SLC22A3: variants seen among roughly 807,000 people sequenced by gnomAD.
SLC22A3 encodes EMT organic cation transporter 3.
Under a neutral mutation model 59.1 loss-of-function variants are expected in SLC22A3, and 51 were observed. The observed-to-expected ratio is 0.86, with a 90% CI of 0.69 to 1.09. The LOEUF is 1.09. Among genes scored for constraint, SLC22A3 ranks in the 50% least tolerant of loss-of-function variants. The pLI, the probability that SLC22A3 is intolerant of heterozygous loss-of-function variation, is 0.00. For missense variants in SLC22A3, 711 were observed against 726.3 expected (o/e 0.98, Z 0.24); for synonymous variants, 325 against 292.0 (o/e 1.11, Z -1.15).
At chr6:160,368,039 C>G (rs1785267813) in intron 1 of SLC22A3, among the ~76,000 whole-genome samples, 1 of 152,136 alleles carries the variant, frequency 6.6e-6, no homozygotes, top group Non-Finnish European at 1.5e-5. Context: ...TCTGTCCTCT[C>G]TAGTTCCCGG....
intron 2 of SLC22A3, among the ~76,000 whole-genome samples, chr6:160,405,136 A>G (rs976351390): frequency 6.6e-6 from 1 of 152,132 alleles, no homozygotes; most frequent in Non-Finnish European, 1.5e-5. Context: ...CTGGGAGAAA[A>G]TATTAACAAA....
intron 5 of SLC22A3, among the ~76,000 whole-genome samples, chr6:160,411,047 A>G (rs1219500522): frequency 6.6e-6 from 1 of 152,052 alleles, no homozygotes; most frequent in Non-Finnish European, 1.5e-5. Flanking sequence ...GACTTAACTG[A>G]AAAAAATCTA....
chr6:160,400,122 C>T (rs1681985668), intron 2 of SLC22A3, among the ~76,000 whole-genome samples: 1 of 133,700 alleles, frequency 7.5e-6, no homozygotes, highest in Admixed American at 8.0e-5. Flanking sequence ...CCACCTGAAG[C>T]TCTACAAGGT....
chr6:160,427,135 A>C (rs2665357), intron 5 of SLC22A3, among the ~76,000 whole-genome samples: 88,772 of 151,830 alleles, frequency 0.58, 26,781 homozygotes, highest in African/African-American at 0.75. Context: ...CCTGAGCAAG[A>C]AGCAATGGAA....
At chr6:160,365,473 T>G (rs1286951964) in intron 1 of SLC22A3, among the ~76,000 whole-genome samples, 1 of 152,202 alleles carries the variant, frequency 6.6e-6, no homozygotes, top group Non-Finnish European at 1.5e-5. Context: ...CCAATGGGTC[T>G]GGGGTAGGGC....
chr6:160,348,889 C>T (rs577799781), intron 1 of SLC22A3, 41 bp downstream of exon 1: 7 of 1,541,576 alleles, frequency 4.5e-6, no homozygotes, highest in Admixed American at 1.9e-5. Context: ...CGGGAGAGGA[C>T]GATGCTGGCT....
chr6:160,397,815 A>G (rs1786559717), intron 1 of SLC22A3, among the ~76,000 whole-genome samples, 164 bp from the exon 2 acceptor site: 1 of 152,194 alleles, frequency 6.6e-6, no homozygotes, highest in African/African-American at 2.4e-5. Flanking sequence ...AACAAAGGAT[A>G]TTTATGTGTT....
At chr6:160,426,377 C>CT in intron 5 of SLC22A3, 7 of 983,020 alleles carry the variant, frequency 7.1e-6, no homozygotes, top group Non-Finnish European at 8.5e-6. Context: ...ACTTAAGACT[C>CT]TGTGCATGGC....
intron 1 of SLC22A3, among the ~76,000 whole-genome samples, chr6:160,358,967 C>G (rs949575605): frequency 6.6e-6 from 1 of 152,180 alleles, no homozygotes; most frequent in Non-Finnish European, 1.5e-5. Flanking sequence ...TGAACTCCAT[C>G]GCATGTTTTC....
intron 1 of SLC22A3, among the ~76,000 whole-genome samples, chr6:160,380,945 A>T (rs1583461481): frequency 6.6e-6 from 1 of 152,228 alleles, no homozygotes; most frequent in African/African-American, 2.4e-5. Context: ...TAAGGCTCTG[A>T]TAGAGAACAG....
At chr6:160,366,764 C>G (rs537106910) in intron 1 of SLC22A3, among the ~76,000 whole-genome samples, 7 of 152,164 alleles carry the variant, frequency 4.6e-5, no homozygotes, top group Admixed American at 2.6e-4. Context: ...TGCCAACCCC[C>G]GGGACCAACA....
At chr6:160,403,785 TCAC>T (rs779896625) in intron 2 of SLC22A3, among the ~76,000 whole-genome samples, 28 of 139,420 alleles carry the variant, frequency 2.0e-4, no homozygotes, top group African/African-American at 5.4e-4. Flanking sequence ...CATCCATCAA[TCAC>T]ATCGACAAAC....
chr6:160,410,261 C>T (rs1384228269), intron 4 of SLC22A3, among the ~76,000 whole-genome samples: 3 of 152,196 alleles, frequency 2.0e-5, no homozygotes, highest in African/African-American at 7.2e-5. Flanking sequence ...AAATGATCCA[C>T]CCACCTCGGC....
intron 5 of SLC22A3, among the ~76,000 whole-genome samples, chr6:160,418,352 C>T (rs1184870424): frequency 6.6e-6 from 1 of 152,220 alleles, no homozygotes; most frequent in Non-Finnish European, 1.5e-5. Flanking sequence ...GGCTCTCGGG[C>T]CTTTGGCCAC....
intron 9 of SLC22A3, among the ~76,000 whole-genome samples, chr6:160,444,307 C>CA (rs1299650874): frequency 6.6e-6 from 1 of 152,134 alleles, no homozygotes; most frequent in African/African-American, 2.4e-5. Context: ...GAGCTATGGT[C>CA]ACGCCATTGC....
chr6:160,368,149 C>G (rs562146732), intron 1 of SLC22A3, among the ~76,000 whole-genome samples: 2 of 152,112 alleles, frequency 1.3e-5, no homozygotes, highest in Non-Finnish European at 1.5e-5. Flanking sequence ...CCTCCCCACT[C>G]ATACCCTCTC....
At chr6:160,413,332 T>C (rs978720481) in intron 5 of SLC22A3, among the ~76,000 whole-genome samples, 2 of 152,246 alleles carry the variant, frequency 1.3e-5, no homozygotes, top group Non-Finnish European at 2.9e-5. Flanking sequence ...TTATGAGAGA[T>C]CATGAACTAT....
intron 5 of SLC22A3, chr6:160,426,203 A>G (rs1250792137): frequency 1.0e-6 from 1 of 985,436 alleles, no homozygotes; most frequent in Non-Finnish European, 1.2e-6. Flanking sequence ...AGCATTTTCA[A>G]ACTAAACCAA....
At position 160,348,435 on chromosome 6, in the gene SLC22A3, G is replaced by C. The variant is rs372896825; in HGVS notation, c.16G>C (p.Glu6Gln). Reference protein sequence around the residue: MPSFDEALQRVGEFGR... With the variant: MPSFDQALQRVGEFGR... Reference sequence around the variant, plus strand: ...CGGGCGCACCATGCCCTCCTTCGACGAGGCGCTGCAGCGGGTGGGCGAGTT... The same window carrying C: ...CGGGCGCACCATGCCCTCCTTCGACCAGGCGCTGCAGCGGGTGGGCGAGTT... Residue 6 changes from glutamate (E) to glutamine (Q), a missense_variant, in exon 1 of 11, where the codon GAG becomes CAG. By Grantham distance (29) the Glu-to-Gln change is conservative. Transcript: ENST00000275300. 37 of 1,510,714 alleles carry C rather than the reference G, an allele frequency of 2.4e-5. No homozygotes were observed. Among genetic ancestry groups the C allele is most frequent in the Non-Finnish European group, 3.2e-5 (36 of 1,133,330 alleles). The allele number at this position is 1,510,714 out of a possible 1,614,324, so 93.6% of individuals were successfully genotyped here.
Sources: gnomAD v4.1 joint callset for allele counts (sites outside exome capture counted in the v4.1 genomes callset) on GRCh38, gnomAD v4.1.1 for gene constraint, MANE v1.5 for transcripts, NCBI Gene and HGNC (gene_info 2026-07-23, HGNC 2026-07-21) for gene names.